The following GDA variants were observed in gnomAD, a reference collection of about 807,000 sequenced individuals.
GDA encodes cytoplasmic PSD-95 interactor.
In GDA, 18 loss-of-function variants were observed where a neutral mutation model predicts 59.6. The ratio of observed to expected loss-of-function variants is 0.30; its 90% CI spans 0.21 to 0.45. The LOEUF is 0.45. Among genes scored for constraint, GDA ranks in the 20% least tolerant of loss-of-function variants. The probability of loss-of-function intolerance (pLI) is 1.00; values close to 1 mark genes in which losing one functional copy is unlikely to be tolerated. For missense variants in GDA, 427 were observed against 552.3 expected (o/e 0.77, Z 2.27); for synonymous variants, 201 against 201.1 (o/e 1.00, Z 0.00).
At chr9:72,224,445 C>G (rs1011077334) in intron 7 of GDA, among the ~76,000 whole-genome samples, 1 of 152,068 alleles carries the variant, frequency 6.6e-6, no homozygotes, top group Non-Finnish European at 1.5e-5. Flanking sequence ...AATGGCATTG[C>G]CATTCTTGGA....
intron 1 of GDA, among the ~76,000 whole-genome samples, chr9:72,133,298 A>AAAAT (rs1554722390): frequency 3.6e-4 from 48 of 134,940 alleles, no homozygotes; most frequent in Middle Eastern, 7.4e-3. Context: ...AAAAAAAAAA[A>AAAAT]AAAAAAAAAA....
intron 10 of GDA, among the ~76,000 whole-genome samples, chr9:72,236,776 A>ATTTT (rs201065067): frequency 2.0e-5 from 2 of 101,464 alleles, no homozygotes; most frequent in African/African-American, 3.9e-5. Flanking sequence ...AACCACTCCT[A>ATTTT]TTTTTTTTTT....
At chr9:72,229,653 C>T (rs1020250488) in intron 9 of GDA, among the ~76,000 whole-genome samples, 2 of 152,102 alleles carry the variant, frequency 1.3e-5, no homozygotes, top group African/African-American at 4.8e-5. Flanking sequence ...CTGGCCGTCC[C>T]CAAACAAGGG....
At chr9:72,172,808 C>T (rs1830116827) in intron 1 of GDA, among the ~76,000 whole-genome samples, 1 of 152,176 alleles carries the variant, frequency 6.6e-6, no homozygotes, top group East Asian at 1.9e-4. Flanking sequence ...TTGAAACTCC[C>T]TCTTCTCTTT....
At chr9:72,198,362 A>G (rs1009548070) in intron 2 of GDA, among the ~76,000 whole-genome samples, 6 of 151,692 alleles carry the variant, frequency 4.0e-5, no homozygotes, top group Non-Finnish European at 8.8e-5. Context: ...ACACGGTGAA[A>G]CCCCATCTCT....
intron 2 of GDA, among the ~76,000 whole-genome samples, chr9:72,198,860 T>TATATATATATATATATATATATATAA (rs1476964247): frequency 1.3e-5 from 2 of 150,470 alleles, no homozygotes; most frequent in Non-Finnish European, 2.9e-5. Context: ...TATATATATA[T>TATATATATATATATATATATATATAA]AAAATTTTTT....
chr9:72,256,889 T>G (rs1840893313), downstream of GDA: 1 of 152,202 alleles, frequency 6.6e-6, no homozygotes, highest in Admixed American at 6.5e-5. Context: ...GTGTGTAAGC[T>G]AATGAAGAGA....
intron 1 of GDA, among the ~76,000 whole-genome samples, chr9:72,166,884 T>G (rs781410614): frequency 6.6e-5 from 10 of 152,236 alleles, no homozygotes; most frequent in Non-Finnish European, 1.0e-4. Context: ...CAGTCCATAA[T>G]GCCAATTTGG....
Position 72,195,560 on chromosome 9 carries a change from C to A in GDA, c.184C>A (p.Pro62Thr). 2 of 1,573,134 alleles carry A rather than the reference C, an allele frequency of 1.3e-6. No individual in the cohort carries two copies. Among genetic ancestry groups the A allele is most frequent in the Non-Finnish European group, 1.7e-6 (2 of 1,150,966 alleles). ...ACTGGCCAAAGAATGGTGCTTCAAG[C>A]CGTGTGAAATAAGAGAACTGAGCCA... is the stretch of plus-strand genomic sequence containing the variant. ...EKLAKEWCFK[P>T]CEIRELSHHE... The change falls in exon 2 of 14, where the codon CCG becomes ACG. Residue 62 changes from proline (P) to threonine (T), a missense_variant. Transcript: ENST00000358399.
chr9:72,194,652 G>A (rs550975616), intron 1 of GDA, among the ~76,000 whole-genome samples: 5 of 152,056 alleles, frequency 3.3e-5, no homozygotes, highest in East Asian at 3.9e-4. Flanking sequence ...CCCCCTTCCC[G>A]GCCCAGTCTA....
At position 72,189,311 on chromosome 9, in the gene GDA, G is replaced by C. The variant is rs193032740; in HGVS notation, c.124-6189G>C. On this transcript the variant is annotated intron_variant, in intron 1 of 13. Coordinates refer to ENST00000358399, the MANE Select transcript of GDA (RefSeq NM_004293.5). The stretch of plus-strand genomic sequence containing the variant: ...TCCTCCCACCTTAGCCTCCTGAATA[G>C]CTGGGGTTACAGGCATGCATCCCCA... Among the ~76,000 whole-genome samples, 322 of 150,592 alleles carry C rather than the reference G, an allele frequency of 2.1e-3. 2 individuals carry two copies. The highest frequency in any genetic ancestry group is 7.6e-3 in the African/African-American group (311 of 40,810).
intron 1 of GDA, among the ~76,000 whole-genome samples, chr9:72,125,169 G>A (rs1431124792): frequency 3.9e-5 from 6 of 152,176 alleles, no homozygotes; most frequent in African/African-American, 7.2e-5. Context: ...ATGGATGAGA[G>A]TGGAAATGAA....
chr9:72,219,434 A>C (rs1254557076), intron 5 of GDA, 45 bp from the exon 6 acceptor site: 1 of 1,427,580 alleles, frequency 7.0e-7, no homozygotes, highest in Non-Finnish European at 9.7e-7. Flanking sequence ...AAAAGAAAAA[A>C]AGAAAATGCT....
chr9:72,149,435 G>A (rs1195422969), upstream of GDA: 2 of 1,159,268 alleles, frequency 1.7e-6, no homozygotes, highest in Non-Finnish European at 2.4e-6. Context: ...CGGGTAAGCG[G>A]GGGCAGGACA....
Position 72,248,531 on chromosome 9 carries a change from A to G in GDA, c.*189A>G. 1 of 1,390,130 alleles carries G rather than the reference A, an allele frequency of 7.2e-7. No individual in the cohort carries two copies. Among genetic ancestry groups the G allele is most frequent in the Non-Finnish European group, 9.3e-7 (1 of 1,074,756 alleles). The allele number at this position is 1,390,130 out of a possible 1,614,324, so 86.1% of individuals were successfully genotyped here. On this transcript the variant is annotated 3_prime_UTR_variant, in exon 14 of 14. Transcript: ENST00000358399. ...TTGCACTAATTCTCAACTCTGGTTG[A>G]GAGGGTTCATAAATTTCATGAAAAT...
intron 1 of GDA, chr9:72,194,039 G>A (rs1480715117): frequency 2.0e-5 from 3 of 152,170 alleles, no homozygotes; most frequent in Non-Finnish European, 4.4e-5. Context: ...CAGAGCAGTG[G>A]GCTTCCCTTT....
chr9:72,204,893 C>T (rs1187182699), intron 3 of GDA, among the ~76,000 whole-genome samples: 1 of 152,052 alleles, frequency 6.6e-6, no homozygotes, highest in East Asian at 1.9e-4. Context: ...GGGTGGATCA[C>T]CTGAAGTCAG....
At chr9:72,142,957 C>G (rs1025233673) in intron 1 of GDA, among the ~76,000 whole-genome samples, 6 of 151,064 alleles carry the variant, frequency 4.0e-5, no homozygotes, top group Non-Finnish European at 8.8e-5. Context: ...TTAGTAGAGA[C>G]AGGGTTTCTC....
intron 1 of GDA, among the ~76,000 whole-genome samples, chr9:72,129,343 G>T (rs1825950298): frequency 6.6e-6 from 1 of 152,172 alleles, no homozygotes; most frequent in Non-Finnish European, 1.5e-5. Context: ...ACCAGAGAAT[G>T]AGCCAGGCAC....
Sources: allele counts gnomAD v4.1 joint callset (sites outside exome capture counted in the v4.1 genomes callset), GRCh38; gene constraint gnomAD v4.1.1; transcripts MANE v1.5; gene names NCBI Gene and HGNC (gene_info 2026-07-23, HGNC 2026-07-21).